KDELR1: variants seen among roughly 807,000 people sequenced by gnomAD.
The protein encoded by KDELR1 is KDEL endoplasmic reticulum protein retention receptor 1.
In KDELR1, 16 loss-of-function variants were observed where a neutral mutation model predicts 25.5. That is an observed-to-expected ratio of 0.63 (90% CI 0.43 to 0.95). The LOEUF is 0.95. Among genes scored for constraint, KDELR1 ranks in the 40% least tolerant of loss-of-function variants. The pLI is 0.00. For synonymous variants in KDELR1, 121 were observed against 115.0 expected (o/e 1.05, Z -0.33); for missense variants, 159 against 265.2 (o/e 0.60, Z 2.78).
chr19:48,383,591 G>A (rs1970473198), intron 4 of KDELR1, among the ~76,000 whole-genome samples: 1 of 152,126 alleles, frequency 6.6e-6, no homozygotes, highest in Admixed American at 6.6e-5. Context: ...GCTCCATGCA[G>A]CCTTGACCTC....
chr19:48,396,297 G>A (rs276712), upstream of KDELR1, among the ~76,000 whole-genome samples: 2 of 151,976 alleles, frequency 1.3e-5, no homozygotes, highest in Non-Finnish European at 2.9e-5. Flanking sequence ...GCCCTGGAGT[G>A]GGGGAGGCTG....
the KDELR1 span, among the ~76,000 whole-genome samples, chr19:48,396,682 G>A: frequency 2.6e-5 from 4 of 151,880 alleles, no homozygotes; most frequent in African/African-American, 9.7e-5. Flanking sequence ...CTTCCCTGGG[G>A]AGACAGGGGC....
the KDELR1 span, among the ~76,000 whole-genome samples, chr19:48,396,802 G>A: frequency 3.9e-5 from 6 of 151,980 alleles, no homozygotes; most frequent in South Asian, 2.1e-4. Flanking sequence ...TGGGGTGGAC[G>A]AGGCCTGCGC....
At chr19:48,390,391 G>A in intron 2 of KDELR1, 33 bp downstream of exon 2, 1 of 1,505,082 alleles carries the variant, frequency 6.6e-7, no homozygotes, top group Admixed American at 1.7e-5. Context: ...CTCTGCCTCA[G>A]TGGGGGCCAG....
At chr19:48,394,269 C>T (rs572684369), upstream of KDELR1, among the ~76,000 whole-genome samples, 37 of 151,458 alleles carry the variant, frequency 2.4e-4, no homozygotes, top group African/African-American at 8.7e-4. This position sits in a 1 kb window ranked among gnomAD's most constrained non-coding sequence, Gnocchi z 5.1. Context: ...TGCGTGTGTG[C>T]GTGAGTGTAT....
chr19:48,395,960 G>A (rs529314778), upstream of KDELR1, among the ~76,000 whole-genome samples: 162 of 151,796 alleles, frequency 1.1e-3, 3 homozygotes, highest in Admixed American at 9.0e-3. Flanking sequence ...GAACAGGACC[G>A]AATGCCCAGA....
At chr19:48,395,280 C>G (rs1352841052), upstream of KDELR1, among the ~76,000 whole-genome samples, 1 of 151,286 alleles carries the variant, frequency 6.6e-6, no homozygotes, top group East Asian at 1.9e-4. Context: ...CTGCATCAGT[C>G]CCCCCATCGC....
chr19:48,397,050 T>C, the KDELR1 span, among the ~76,000 whole-genome samples: 3 of 152,032 alleles, frequency 2.0e-5, no homozygotes, highest in Non-Finnish European at 2.9e-5. Context: ...CTGTATTTCC[T>C]CTAATTTACC....
At chr19:48,393,691 G>C (rs957308158), upstream of KDELR1, among the ~76,000 whole-genome samples, 1 of 151,962 alleles carries the variant, frequency 6.6e-6, no homozygotes, top group Non-Finnish European at 1.5e-5. This position sits in a 1 kb window ranked among gnomAD's most constrained non-coding sequence, Gnocchi z 5.6. Context: ...GTGTGTGTGC[G>C]AGAACACAGC....
At position 48,384,194 on chromosome 19, in the gene KDELR1, GGA is replaced by G. The variant is rs1970476848; in HGVS notation, c.604+34_604+35del. On this transcript the variant is annotated intron_variant, in intron 4 of 4. Transcript: ENST00000330720. This position sits in a 1 kb window ranked among gnomAD's most constrained non-coding sequence, Gnocchi z 4.6. ...AGGGAGGGCAGGAGCTGCAGAAATA[GGA>G]GGTTCCCTTCCAGCCGTCCCACATT... 1 of 1,609,920 alleles carries G rather than the reference GGA, an allele frequency of 6.2e-7. No homozygotes were observed. Among genetic ancestry groups the G allele is most frequent in the Non-Finnish European group, 8.5e-7 (1 of 1,176,848 alleles).
At chr19:48,393,403 C>A (rs2147427612), upstream of KDELR1, among the ~76,000 whole-genome samples, 1 of 152,274 alleles carries the variant, frequency 6.6e-6, no homozygotes, top group South Asian at 2.1e-4. This position sits in a 1 kb window ranked among gnomAD's most constrained non-coding sequence, Gnocchi z 5.6. Context: ...AGGGCAGCAA[C>A]CCCCAGCCCT....
intron 2 of KDELR1, 142 bp from the exon 3 acceptor site, chr19:48,389,853 C>T: frequency 1.3e-6 from 1 of 782,576 alleles, no homozygotes; most frequent in Non-Finnish European, 2.0e-6. Flanking sequence ...GAGTCCAAGC[C>T]CCCAGCCCCT....
upstream of KDELR1, among the ~76,000 whole-genome samples, chr19:48,395,862 C>T (rs891668360): frequency 2.0e-5 from 3 of 151,894 alleles, no homozygotes; most frequent in African/African-American, 7.3e-5. Context: ...GGGACCTGGA[C>T]TCTTGGTTCC....
At position 48,383,299 on chromosome 19, in the gene KDELR1, C is replaced by T. The variant is rs145870798; in HGVS notation, c.633G>A (p.Pro211=). Residue 211 remains proline, a synonymous_variant, in exon 5 of 5, where the codon CCG becomes CCA. Transcript: ENST00000330720. ...GAGATGGAGAGGACCGGGGCTATGC[C>T]GGCAAACTCAACTTCTTCCCCTTTA... ...KVLKGKKLSL[P]A The T allele has an allele frequency of 4.4e-5, 68 of 1,552,082 alleles. No homozygotes were observed. The highest frequency in any genetic ancestry group is 5.4e-5 in the Non-Finnish European group (62 of 1,147,268).
rs1190528927 is a variant in KDELR1, at chr19:48,383,020, G to A, written c.*273C>T. The A allele has an allele frequency of 7.6e-6, 4 of 529,786 alleles. No individual in the cohort carries two copies. The highest frequency in any genetic ancestry group is 1.3e-5 in the Non-Finnish European group (4 of 297,056). 32.8% of individuals were successfully genotyped at this position (529,786 alleles called of 1,614,324 possible). On this transcript the variant is annotated 3_prime_UTR_variant, in exon 5 of 5. Coordinates refer to ENST00000330720, the MANE Select transcript of KDELR1 (RefSeq NM_006801.3). ...ACTTTATAAAAATTGGGGCCACAGAGTAGAAGAAAAACGAGTCATCAGAAT... is the reference window on the plus strand; with the variant it reads ...ACTTTATAAAAATTGGGGCCACAGAATAGAAGAAAAACGAGTCATCAGAAT...
upstream of KDELR1, chr19:48,391,650 T>G: frequency 2.3e-6 from 1 of 440,388 alleles, no homozygotes; most frequent in Non-Finnish European, 4.2e-6. Flanking sequence ...ACCTCCTGCT[T>G]TGCCGTGGCG....
Position 48,389,730 on chromosome 19 carries a change from A to G in KDELR1, c.193-19T>C. The G allele has an allele frequency of 1.9e-6, 3 of 1,613,360 alleles. No individual in the cohort carries two copies. Among genetic ancestry groups the G allele is most frequent in the Non-Finnish European group, 2.5e-6 (3 of 1,179,754 alleles). On this transcript the variant is annotated intron_variant, in intron 2 of 4. Coordinates refer to ENST00000330720, the MANE Select transcript of KDELR1 (RefSeq NM_006801.3). ...AGACCACCTGAGGAGGGGGATGATGAGAAGGGGCCTCAACTCACAGGCCTG... is the reference window on the plus strand; with the variant it reads ...AGACCACCTGAGGAGGGGGATGATGGGAAGGGGCCTCAACTCACAGGCCTG...
At chr19:48,385,160 T>C (rs1970486008) in intron 3 of KDELR1, among the ~76,000 whole-genome samples, 1 of 152,202 alleles carries the variant, frequency 6.6e-6, no homozygotes, top group Non-Finnish European at 1.5e-5. Context: ...GTGCTGGGAT[T>C]ACAGGCATGA....
chr19:48,387,446 G>A (rs1271116109), intron 3 of KDELR1, among the ~76,000 whole-genome samples: 1 of 152,128 alleles, frequency 6.6e-6, no homozygotes. Flanking sequence ...ACTTTGGGAA[G>A]CTGAGATGGG....
Sources: allele counts gnomAD v4.1 joint callset (sites outside exome capture counted in the v4.1 genomes callset), GRCh38; gene constraint gnomAD v4.1.1; non-coding constraint Gnocchi (gnomAD v3.1); transcripts MANE v1.5; gene names NCBI Gene and HGNC (gene_info 2026-07-23, HGNC 2026-07-21).